Variants in SOX5 observed in about 807,000 individuals in gnomAD.
SOX5 encodes SRY-box transcription factor 5.
Under a neutral mutation model 92.0 loss-of-function variants are expected in SOX5, and 9 were observed. The ratio of observed to expected loss-of-function variants is 0.10; its 90% CI spans 0.06 to 0.17. SOX5 has a LOEUF of 0.17. Ranked by LOEUF, SOX5 falls within the 10% of genes least tolerant of loss-of-function variation. The probability of loss-of-function intolerance (pLI) is 1.00; values close to 1 mark genes in which losing one functional copy is unlikely to be tolerated. For synonymous variants in SOX5, 344 were observed against 336.3 expected, an observed-to-expected ratio of 1.02 and a Z score of -0.25; for missense variants, 642 against 944.5, an observed-to-expected ratio of 0.68 and a Z score of 4.20.
At chr12:24,408,116 G>A (rs1963363343) in intron 1 of SOX5, among the ~76,000 whole-genome samples, 1 of 152,154 alleles carries the variant, frequency 6.6e-6, no homozygotes, top group African/African-American at 2.4e-5. Flanking sequence ...TGTGGTGAGA[G>A]CTTGCTAAGC....
At chr12:23,745,436 C>G (rs1490732920) in intron 4 of SOX5, among the ~76,000 whole-genome samples, 1 of 152,140 alleles carries the variant, frequency 6.6e-6, no homozygotes, top group Non-Finnish European at 1.5e-5. Flanking sequence ...GTCATTTCCC[C>G]TGTTTAAAGA....
chr12:24,195,219 T>C (rs1187778679), intron 4 of SOX5, among the ~76,000 whole-genome samples: 1 of 152,052 alleles, frequency 6.6e-6, no homozygotes, highest in African/African-American at 2.4e-5. Flanking sequence ...TGAAATTCTA[T>C]ACTGAGTCAT....
intron 1 of SOX5, among the ~76,000 whole-genome samples, chr12:24,550,773 A>T (rs1953075757): frequency 6.6e-6 from 1 of 152,246 alleles, no homozygotes; most frequent in African/African-American, 2.4e-5. Flanking sequence ...AGGCCTTTGC[A>T]ATAAAGCACT....
At chr12:24,372,126 C>A (rs772128825) in intron 1 of SOX5, among the ~76,000 whole-genome samples, 5 of 152,094 alleles carry the variant, frequency 3.3e-5, no homozygotes, top group East Asian at 1.9e-4. Context: ...TAAGTGGTAA[C>A]TGCTGCTTCT....
Position 24,059,783 on chromosome 12 carries a change from A to C in SOX5, c.-2+153560T>G, listed in dbSNP as rs75506754. 6.0e-3 allele frequency among the ~76,000 whole-genome samples: 921 copies of C among 152,328 alleles called. 10 individuals are homozygous for C. The highest frequency in any genetic ancestry group is 0.034 in the South Asian group (164 of 4,830). On this transcript the variant is annotated intron_variant, in intron 4 of 4. Coordinates refer to the SOX5 transcript ENST00000446891. ...CAACCCACAATCAAGAGTATAAAAA[A>C]CAAATGAAACCCAAACATATTTACT...
intron 7 of SOX5, among the ~76,000 whole-genome samples, chr12:23,646,319 C>G (rs890313900): frequency 2.6e-5 from 4 of 152,082 alleles, no homozygotes; most frequent in Non-Finnish European, 5.9e-5. Flanking sequence ...GGACCACATG[C>G]CCACACCACT....
intron 4 of SOX5, among the ~76,000 whole-genome samples, chr12:24,016,097 C>T (rs937206599): frequency 4.6e-5 from 7 of 152,128 alleles, no homozygotes; most frequent in Non-Finnish European, 7.3e-5. Context: ...ATGCTGATTT[C>T]GGGAGAATGG....
chr12:24,196,924 A>G (rs1034064503), intron 4 of SOX5, among the ~76,000 whole-genome samples: 2 of 152,074 alleles, frequency 1.3e-5, no homozygotes, highest in African/African-American at 4.8e-5. Flanking sequence ...AACAAAAACA[A>G]AAACAAACAT....
At chr12:24,294,120 T>C (rs1946925248) in intron 2 of SOX5, among the ~76,000 whole-genome samples, 1 of 152,206 alleles carries the variant, frequency 6.6e-6, no homozygotes, top group South Asian at 2.1e-4. Context: ...AATTCTGATG[T>C]AGGGACCCCA....
chr12:24,061,930 C>G (rs1015314996), intron 4 of SOX5, among the ~76,000 whole-genome samples: 2 of 151,978 alleles, frequency 1.3e-5, no homozygotes, highest in African/African-American at 4.8e-5. Flanking sequence ...AAAATGGTTT[C>G]AAATAATTGT....
chr12:23,629,957 A>G (rs1283215567), intron 8 of SOX5, among the ~76,000 whole-genome samples: 1 of 151,960 alleles, frequency 6.6e-6, no homozygotes, highest in Non-Finnish European at 1.5e-5. Context: ...TCAAATAAAA[A>G]TTTTCTCAAT....
chr12:24,287,069 A>T (rs1295813085), intron 2 of SOX5, among the ~76,000 whole-genome samples: 4 of 152,292 alleles, frequency 2.6e-5, no homozygotes, highest in Non-Finnish European at 4.4e-5. Context: ...AGACTAAATT[A>T]TTCTAGTCCC....
chr12:23,755,571 C>T, intron 4 of SOX5, 67 bp downstream of exon 4: 1 of 1,118,292 alleles, frequency 8.9e-7, no homozygotes, highest in East Asian at 2.5e-5. Flanking sequence ...ACTTTATCAC[C>T]ATTACTATTT....
chr12:24,521,083 C>T (rs764256760), intron 1 of SOX5, among the ~76,000 whole-genome samples: 7 of 152,218 alleles, frequency 4.6e-5, no homozygotes, highest in South Asian at 2.1e-4. Context: ...GACAAAGTCT[C>T]GCTCTTGTCC....
intron 4 of SOX5, among the ~76,000 whole-genome samples, chr12:24,113,143 AG>A (rs1947569965): frequency 6.6e-6 from 1 of 150,984 alleles, no homozygotes; most frequent in African/African-American, 2.4e-5. Context: ...GGAAATTAAG[AG>A]GAATTAATAT....
Position 24,202,065 on chromosome 12 carries a change from A to G in SOX5, c.-2+11278T>C, listed in dbSNP as rs916132896. On this transcript the variant is annotated intron_variant, in intron 4 of 4. Transcript: ENST00000446891. Reference sequence around the variant, plus strand: ...TCCTCCATTGGTGTGAATAATTACAAACAGTCTTGCTAGATCATTATTTCT... The same window carrying G: ...TCCTCCATTGGTGTGAATAATTACAGACAGTCTTGCTAGATCATTATTTCT... Among the ~76,000 whole-genome samples the G allele has an allele frequency of 2.8e-4, 43 of 152,278 alleles. 1 individual carries two copies. The highest frequency in any genetic ancestry group is 2.6e-3 in the Admixed American group (39 of 15,288).
chr12:24,475,514 T>C (rs1249945085), intron 1 of SOX5, among the ~76,000 whole-genome samples: 2 of 152,224 alleles, frequency 1.3e-5, no homozygotes, highest in South Asian at 2.1e-4. Context: ...AGCAACACTC[T>C]GAACTGTGAG....
chr12:24,123,713 G>A lies in SOX5; in HGVS notation c.-2+89630C>T, dbSNP rs76763546. ...CAACTTTCAGATTCAACCAGGAGTC[G>A]ACTATAAATCATTTTGGCATAAATA... On this transcript the variant is annotated intron_variant, in intron 4 of 4. Coordinates refer to the SOX5 transcript ENST00000446891. 7.1e-3 allele frequency among the ~76,000 whole-genome samples: 1,084 copies of A among 152,230 alleles called. 4 individuals are homozygous for A. Among genetic ancestry groups the A allele is most frequent in the Middle Eastern group, 0.014 (4 of 294 alleles).
At chr12:23,943,253 T>C (rs1050807729) in intron 1 of SOX5, among the ~76,000 whole-genome samples, 1 of 150,772 alleles carries the variant, frequency 6.6e-6, no homozygotes, top group Non-Finnish European at 1.5e-5. Flanking sequence ...CATGAGTAAG[T>C]GAAGAGAAAA....
Sources: allele counts gnomAD v4.1 joint callset (sites outside exome capture counted in the v4.1 genomes callset), GRCh38; gene constraint gnomAD v4.1.1; transcripts MANE v1.5; gene names NCBI Gene and HGNC (gene_info 2026-07-23, HGNC 2026-07-21).